MYO16: variants seen among roughly 807,000 people sequenced by gnomAD.
MYO16 encodes the protein myosin XVI.
MYO16 carries 94 observed loss-of-function variants against 205.3 expected under a neutral mutation model. The observed-to-expected ratio is 0.46, with a 90% CI of 0.39 to 0.54. MYO16 has a LOEUF of 0.54. Among genes scored for constraint, MYO16 ranks in the 20% least tolerant of loss-of-function variants. The pLI, the probability that MYO16 is intolerant of heterozygous loss-of-function variation, is 0.00. For missense variants in MYO16, 2,315 were observed against 2,387.5 expected (o/e 0.97, Z 0.63); for synonymous variants, 988 against 954.0 (o/e 1.04, Z -0.66).
chr13:109,191,725 A>G (rs1879924860), intron 34 of MYO16, among the ~76,000 whole-genome samples: 1 of 152,160 alleles, frequency 6.6e-6, no homozygotes, highest in African/African-American at 2.4e-5. Flanking sequence ...AAATTACTAT[A>G]AGTGTTAATT....
chr13:108,682,786 C>T lies in MYO16; in HGVS notation c.292+16637C>T, dbSNP rs1594205660. Among the ~76,000 whole-genome samples the T allele has an allele frequency of 3.3e-5, 5 of 151,986 alleles. No homozygotes were observed. In the South Asian group the frequency reaches 8.3e-4, roughly 25 times the overall value. ...AGTAAGATAGTGTCTGTTAAGAGGC[C>T]GTTTCGAGCTGCTGAAGTCTTGCTC... On this transcript the variant is annotated intron_variant, in intron 2 of 34. Coordinates refer to ENST00000457511, the MANE Select transcript of MYO16 (RefSeq NM_001198950.3).
intron 6 of MYO16, among the ~76,000 whole-genome samples, chr13:108,803,519 A>G (rs886732064): frequency 6.6e-6 from 1 of 152,222 alleles, no homozygotes; most frequent in African/African-American, 2.4e-5. Flanking sequence ...ACCGGATGCA[A>G]TGAAAACTGA....
chr13:108,885,607 C>A (rs1217712643), intron 13 of MYO16, among the ~76,000 whole-genome samples: 2 of 152,202 alleles, frequency 1.3e-5, no homozygotes, highest in Admixed American at 1.3e-4. Flanking sequence ...GAGAGTTTAA[C>A]ACTGTTGACA....
At chr13:108,525,809 C>T in the MYO16 span, among the ~76,000 whole-genome samples, 1 of 152,164 alleles carries the variant, frequency 6.6e-6, no homozygotes, top group African/African-American at 2.4e-5. Flanking sequence ...GAATGTATTG[C>T]ACTTAACTCC....
At chr13:108,810,721 G>A (rs1277787981) in intron 7 of MYO16, among the ~76,000 whole-genome samples, 14 of 152,102 alleles carry the variant, frequency 9.2e-5, no homozygotes, top group Admixed American at 1.3e-4. Flanking sequence ...GGGAAAAAGC[G>A]TTAGAAATGT....
At chr13:108,832,788 ATGTG>A (rs549192911) in intron 9 of MYO16, among the ~76,000 whole-genome samples, 13 of 152,304 alleles carry the variant, frequency 8.5e-5, no homozygotes, top group Admixed American at 5.9e-4. Context: ...TTTGATATGT[ATGTG>A]TAATTTTTTT....
At chr13:108,730,481 C>A (rs779079724) in intron 4 of MYO16, among the ~76,000 whole-genome samples, 1 of 152,150 alleles carries the variant, frequency 6.6e-6, no homozygotes, top group Non-Finnish European at 1.5e-5. Context: ...AACACTTAGA[C>A]CACCTTGAGC....
intron 2 of MYO16, among the ~76,000 whole-genome samples, chr13:108,708,177 A>G (rs1440281657): frequency 1.3e-5 from 2 of 152,230 alleles, no homozygotes; most frequent in Non-Finnish European, 2.9e-5. Flanking sequence ...AGGAAAGGAA[A>G]TCTGTATTTC....
At chr13:108,582,808 G>A in the MYO16 span, among the ~76,000 whole-genome samples, 1 of 152,114 alleles carries the variant, frequency 6.6e-6, no homozygotes, top group Non-Finnish European at 1.5e-5. Context: ...TAAGGCACAC[G>A]GGCTGGGTTA....
At chr13:109,094,424 T>C (rs1372851367) in intron 27 of MYO16, among the ~76,000 whole-genome samples, 1 of 152,114 alleles carries the variant, frequency 6.6e-6, no homozygotes, top group Non-Finnish European at 1.5e-5. Flanking sequence ...TTCCTCAGAT[T>C]GGTCTCATAC....
At chr13:108,985,823 C>G (rs1884607717) in intron 20 of MYO16, among the ~76,000 whole-genome samples, 1 of 152,200 alleles carries the variant, frequency 6.6e-6, no homozygotes, top group Admixed American at 6.5e-5. Flanking sequence ...TAATCTATCA[C>G]AGTGCATAGT....
chr13:108,794,900 G>A (rs1831512494), intron 6 of MYO16, among the ~76,000 whole-genome samples: 1 of 152,108 alleles, frequency 6.6e-6, no homozygotes, highest in South Asian at 2.1e-4. Flanking sequence ...GAAGACAGTT[G>A]ATAAGGAAAG....
chr13:108,558,266 G>A, the MYO16 span, among the ~76,000 whole-genome samples: 5,417 of 152,238 alleles, frequency 0.036, 162 homozygotes, highest in Admixed American at 0.051. Flanking sequence ...ATTGGCTTTG[G>A]TGATTCCTGC....
In MYO16 at chr13:108,806,730, G is replaced by A. The variant is rs1341921077; in HGVS notation, c.793G>A (p.Glu265Lys). ...GYKEVVSLIL[E>K]HGGDLNIVDD... ...CAAGGAGGTGGTGTCTCTTATCCTG[G>A]AACATGGTGGAGACCTCAACATAGT... The change falls in exon 7 of 35, where the codon GAA becomes AAA. Residue 265 changes from glutamate to lysine, a missense_variant. Around this residue, in one of 3 missense-constraint regions of MYO16, gnomAD observed 1,213 missense variants for 1,274.4 expected, o/e 0.95. Coordinates refer to ENST00000457511, the MANE Select transcript of MYO16 (RefSeq NM_001198950.3). 1 of 1,613,194 alleles carries A rather than the reference G, an allele frequency of 6.2e-7. No individual in the cohort carries two copies. Among genetic ancestry groups the A allele is most frequent in the East Asian group, 2.2e-5 (1 of 44,850 alleles).
chr13:109,188,972 T>C (rs1233027471), intron 34 of MYO16, among the ~76,000 whole-genome samples: 1 of 151,968 alleles, frequency 6.6e-6, no homozygotes, highest in Admixed American at 6.6e-5. Flanking sequence ...TGCATGCCTG[T>C]AACCCCAGCT....
chr13:108,616,439 ATG>A (rs1350557630), intron 1 of MYO16, among the ~76,000 whole-genome samples: 2 of 152,046 alleles, frequency 1.3e-5, no homozygotes, highest in African/African-American at 4.8e-5. Context: ...AGAACTGTGG[ATG>A]GTATCAACTC....
chr13:108,636,251 T>G (rs1269973583), intron 1 of MYO16, among the ~76,000 whole-genome samples: 1 of 152,132 alleles, frequency 6.6e-6, no homozygotes, highest in East Asian at 1.9e-4. Context: ...TCTCTCCTGA[T>G]TAGTGTTCAT....
chr13:108,997,834 A>G (rs1030430976), intron 21 of MYO16, among the ~76,000 whole-genome samples: 2 of 152,192 alleles, frequency 1.3e-5, no homozygotes, highest in Admixed American at 1.3e-4. Context: ...GTGAAAGTCC[A>G]TCTCAAAAAA....
chr13:109,121,808 A>G (rs891433611), intron 29 of MYO16, among the ~76,000 whole-genome samples: 2 of 152,216 alleles, frequency 1.3e-5, no homozygotes, highest in African/African-American at 4.8e-5. Context: ...GGCAAGGGGA[A>G]GCCTTGGACA....
Sources: allele counts gnomAD v4.1 joint callset (sites outside exome capture counted in the v4.1 genomes callset), GRCh38; gene constraint gnomAD v4.1.1; regional missense constraint gnomAD v4.1.1; transcripts MANE v1.5; gene names NCBI Gene and HGNC (gene_info 2026-07-23, HGNC 2026-07-21).